The following RSKR variants were observed in gnomAD, a reference collection of about 807,000 sequenced individuals.
RSKR encodes the protein ribosomal protein S6 kinase-related protein.
In RSKR, 44 loss-of-function variants were observed where a neutral mutation model predicts 56.8. The ratio of observed to expected loss-of-function variants is 0.77; its 90% confidence interval spans 0.61 to 1.00. RSKR has a LOEUF of 1.00. RSKR is among the 50% of genes least tolerant of loss of function. RSKR has a pLI of 0.00. For missense variants in RSKR, 510 were observed against 506.9 expected (o/e 1.01, Z -0.06); for synonymous variants, 181 against 188.0 (o/e 0.96, Z 0.30).
chr17:28,612,430 T>C (rs780278607), intron 5 of RSKR, 64 bp from the exon 6 acceptor site: 51 of 1,543,842 alleles, frequency 3.3e-5, no homozygotes, highest in Non-Finnish European at 4.0e-5. Context: ...GGAGCTGCAA[T>C]GCCTGGGCTC....
At chr17:28,610,822 A>C (rs2070801973) in intron 11 of RSKR, 123 bp from the exon 12 acceptor site, 1 of 970,418 alleles carries the variant, frequency 1.0e-6, no homozygotes, top group Non-Finnish European at 1.5e-6. Flanking sequence ...CCTGAAGAGT[A>C]GATGATTTGT....
At position 28,610,678 on chromosome 17, in the gene RSKR, G is replaced by C; in HGVS notation, c.1033C>G (p.His345Asp). The C allele has an allele frequency of 1.3e-6, 2 of 1,536,180 alleles. No individual in the cohort carries two copies. Among genetic ancestry groups the C allele is most frequent in the Non-Finnish European group, 1.7e-6 (2 of 1,146,926 alleles). Residue 345 changes from histidine (H) to aspartate (D), a missense_variant, in exon 12 of 12, where the codon CAT becomes GAT. His to Asp is a moderately conservative substitution (Grantham distance 81). Transcript: ENST00000301037. ...AAGTGATGCAGATAACGTAGACGATGGAGGGGGTTCTGGCATAAGAGCTGA... is the reference window on the plus strand; with the variant it reads ...AAGTGATGCAGATAACGTAGACGATCGAGGGGGTTCTGGCATAAGAGCTGA... ...LHELLCQNPL[H>D]RLRYLHHFQV...
chr17:28,610,522 C>T lies in RSKR; in HGVS notation c.1189G>A (p.Asp397Asn). Reference sequence around the variant, plus strand: ...AGCAAGAAGGACTCCAGATCACAGTCAAAGTCGTCAAAGGGCATGGTCTCC... The same window carrying T: ...AGCAAGAAGGACTCCAGATCACAGTTAAAGTCGTCAAAGGGCATGGTCTCC... ...SAETMPFDDF[D>N]CDLESFLLYP... is the part of the protein sequence containing the mutation. Residue 397 changes from aspartate to asparagine, a missense_variant, in exon 12 of 12, where the codon GAC (aspartate) becomes AAC (asparagine). Transcript: ENST00000301037. 6.5e-7 allele frequency: 1 copy of T among 1,535,988 alleles called. No individual in the cohort carries two copies. Among genetic ancestry groups the T allele is most frequent in the Non-Finnish European group, 8.7e-7 (1 of 1,146,878 alleles).
chr17:28,610,921 A>T, intron 11 of RSKR: 1 of 650,720 alleles, frequency 1.5e-6, no homozygotes, highest in Non-Finnish European at 2.6e-6. Context: ...ACAGTGTTCC[A>T]CTCTCTCAGA....
rs2070776257 is a variant in RSKR at position 28,608,831 on chromosome 17, GATTAGATGTAACTAAA to G, written c.*1631_*1646del. 2 of 152,074 alleles carry G rather than the reference GATTAGATGTAACTAAA, an allele frequency of 1.3e-5. No individual in the cohort carries two copies. Among genetic ancestry groups the G allele is most frequent in the Admixed American group, 1.3e-4 (2 of 15,254 alleles). 9.4% of individuals were successfully genotyped at this position (152,074 alleles called of 1,614,324 possible). Reference sequence around the variant, plus strand: ...CTCCAGACTGTCTTTTGTCTAGAGAGATTAGATGTAACTAAATAATATGGTCTAGATTAAAACTTAC... The same window carrying G: ...CTCCAGACTGTCTTTTGTCTAGAGAGTAATATGGTCTAGATTAAAACTTAC... On this transcript the variant is annotated 3_prime_UTR_variant, in exon 12 of 12. Coordinates refer to ENST00000301037, the MANE Select transcript of RSKR (RefSeq NM_001174103.2).
In RSKR at chr17:28,613,581, G is replaced by A. The variant is rs1483048384; in HGVS notation, c.183C>T (p.His61=). 6 of 1,614,120 alleles carry A rather than the reference G, an allele frequency of 3.7e-6. No individual in the cohort carries two copies. The South Asian group carries it at 5.5e-5, about 15-fold the overall frequency. Residue 61 remains histidine, a synonymous_variant, in exon 2 of 12, where the codon CAC becomes CAT. Coordinates refer to ENST00000301037, the MANE Select transcript of RSKR (RefSeq NM_001174103.2). ...TTAGGGATTCCTGGTGCAGATAGTGGTGCCCCCGTAGTTCCCAGAGTTCTT... is the reference window on the plus strand; with the variant it reads ...TTAGGGATTCCTGGTGCAGATAGTGATGCCCCCGTAGTTCCCAGAGTTCTT... ...DLEELWELRG[H]HYLHQESLKP...
rs964155217 is a variant in RSKR at position 28,608,142 on chromosome 17, T to C, written c.*2336A>G. ...CTAGCATACAAAATACATAAACACTTGCTGAAGGTAGACCACAAATTGGGC... is the reference window on the plus strand; with the variant it reads ...CTAGCATACAAAATACATAAACACTCGCTGAAGGTAGACCACAAATTGGGC... On this transcript the variant is annotated 3_prime_UTR_variant, in exon 12 of 12. Transcript: ENST00000301037. 1 of 152,156 alleles carries C rather than the reference T, an allele frequency of 6.6e-6. No individual in the cohort carries two copies. The highest frequency in any genetic ancestry group is 6.6e-5 in the Admixed American group (1 of 15,264). The allele number at this position is 152,156 out of a possible 1,614,324, so 9.4% of individuals were successfully genotyped here.
In RSKR at chr17:28,614,184, C is replaced by G. The variant is rs1467265232; in HGVS notation, c.-23G>C. 1.2e-6 allele frequency: 2 copies of G among 1,612,276 alleles called. No homozygotes were observed. The highest frequency in any genetic ancestry group is 1.7e-6 in the Non-Finnish European group (2 of 1,179,902). ...CATTCCCAGCCTCTGCCTCCTCTCT[C>G]TGCTAAATCTGCTGTCCCAGTTATA... On this transcript the variant is annotated 5_prime_UTR_variant, in exon 1 of 12. Transcript: ENST00000301037.
Position 28,613,704 on chromosome 17 carries a change from G to A in RSKR, c.76-16C>T. 6.2e-7 allele frequency: 1 copy of A among 1,613,264 alleles called. No individual in the cohort carries two copies. The highest frequency in any genetic ancestry group is 1.3e-5 in the African/African-American group (1 of 74,976). On this transcript the variant is annotated splice_polypyrimidine_tract_variant and intron_variant, in intron 1 of 11. Transcript: ENST00000301037. ...TGCCACCCTGCTGAGAACCAAGGGAGCCACTCTAAACTTTCTGCTCCTGAG... is the reference window on the plus strand; with the variant it reads ...TGCCACCCTGCTGAGAACCAAGGGAACCACTCTAAACTTTCTGCTCCTGAG...
rs998679208 is a variant in RSKR, at chr17:28,609,314, T to G, written c.*1164A>C. ...CCTTGGCCTCCCAAATAACCTTAAA[T>G]CTTAAGGTTGATGCATGCCTCTTAA... On this transcript the variant is annotated 3_prime_UTR_variant, in exon 12 of 12. Transcript: ENST00000301037. The G allele has an allele frequency of 6.6e-6, 1 of 152,130 alleles. No homozygotes were observed. Among genetic ancestry groups the G allele is most frequent in the Non-Finnish European group, 1.5e-5 (1 of 68,030 alleles). 9.4% of individuals were successfully genotyped at this position (152,130 alleles called of 1,614,324 possible).
At chr17:28,613,847 A>G (rs2070865320) in intron 1 of RSKR, 159 bp from the exon 2 acceptor site, 1 of 1,153,236 alleles carries the variant, frequency 8.7e-7, no homozygotes. Context: ...GCTAAGCCCC[A>G]GATTTCCTGG....
rs1461122071 is a variant in RSKR at position 28,612,601 on chromosome 17, A to G, written c.547+17T>C. Reference sequence around the variant, plus strand: ...TACAAAGACCCTGGGGGATGAGGAGAGAGTCCAGTCACTCACTAATGAAAA... The same window carrying G: ...TACAAAGACCCTGGGGGATGAGGAGGGAGTCCAGTCACTCACTAATGAAAA... On this transcript the variant is annotated intron_variant, in intron 5 of 11. Coordinates refer to ENST00000301037, the MANE Select transcript of RSKR (RefSeq NM_001174103.2). 1 of 1,612,426 alleles carries G rather than the reference A, an allele frequency of 6.2e-7. No homozygotes were observed. The highest frequency in any genetic ancestry group is 8.5e-7 in the Non-Finnish European group (1 of 1,178,480).
Position 28,608,156 on chromosome 17 carries a change from C to T in RSKR, c.*2322G>A, listed in dbSNP as rs1208291382. ...ACATAAACACTTGCTGAAGGTAGACCACAAATTGGGCTCTAAATGGTCTAG... is the reference window on the plus strand; with the variant it reads ...ACATAAACACTTGCTGAAGGTAGACTACAAATTGGGCTCTAAATGGTCTAG... On this transcript the variant is annotated 3_prime_UTR_variant, in exon 12 of 12. Transcript: ENST00000301037. The T allele has an allele frequency of 6.6e-6, 1 of 152,000 alleles. No individual in the cohort carries two copies. The highest frequency in any genetic ancestry group is 2.4e-5 in the African/African-American group (1 of 41,360). The allele number at this position is 152,000 out of a possible 1,614,324, so 9.4% of individuals were successfully genotyped here.
rs2070804806 is a variant in RSKR, at chr17:28,611,036, G to A, written c.1011+107C>T. The A allele has an allele frequency of 9.1e-6, 9 of 987,476 alleles. No individual in the cohort carries two copies. The South Asian group carries it at 1.3e-4, about 15-fold the overall frequency. The allele number at this position is 987,476 out of a possible 1,614,324, so 61.2% of individuals were successfully genotyped here. On this transcript the variant is annotated intron_variant, in intron 11 of 11. Transcript: ENST00000301037. ...CAAGTAGTTAGGTAGTTAAGTTGGAGCCCCCTCAAAAAAACTGATGAGAGG... is the reference window on the plus strand; with the variant it reads ...CAAGTAGTTAGGTAGTTAAGTTGGAACCCCCTCAAAAAAACTGATGAGAGG...
chr17:28,610,629 C>A lies in RSKR; in HGVS notation c.1082G>T (p.Gly361Val). Reference protein sequence around the residue: ...HHFQVHPFFRGVAFDPELLQK... With the variant: ...HHFQVHPFFRVVAFDPELLQK... ...TAGGAGCTCTGGGTCGAAGGCCACACCCCGAAAGAAAGGGTGGACCTGGAA... is the reference window on the plus strand; with the variant it reads ...TAGGAGCTCTGGGTCGAAGGCCACAACCCGAAAGAAAGGGTGGACCTGGAA... Residue 361 changes from glycine to valine, a missense_variant, in exon 12 of 12, where the codon GGT becomes GTT. Physicochemically the swap from Gly to Val is moderately radical, Grantham distance 109 (BLOSUM62 -3). Coordinates refer to ENST00000301037, the MANE Select transcript of RSKR (RefSeq NM_001174103.2). 6.5e-7 allele frequency: 1 copy of A among 1,536,012 alleles called. No homozygotes were observed. Among genetic ancestry groups the A allele is most frequent in the Admixed American group, 2.0e-5 (1 of 50,970 alleles).
At position 28,611,411 on chromosome 17, in the gene RSKR, G is replaced by C. The variant is rs1433159426; in HGVS notation, c.882C>G (p.Phe294Leu). 1 of 1,597,846 alleles carries C rather than the reference G, an allele frequency of 6.3e-7. No homozygotes were observed. Among genetic ancestry groups the C allele is most frequent in the Middle Eastern group, 1.7e-4 (1 of 6,054 alleles). Residue 294 changes from phenylalanine (F) to leucine (L), a missense_variant, in exon 10 of 12, where the codon TTC becomes TTG. Coordinates refer to ENST00000301037, the MANE Select transcript of RSKR (RefSeq NM_001174103.2). ...ADWWSLGVLL[F>L]SLATGKFPVA... ...CTCTCACCTTTCCAGTCGCCAGAGA[G>C]AAAAGCAAGACACCCAGGGACCACC...
At chr17:28,613,812 A>C in intron 1 of RSKR, 124 bp from the exon 2 acceptor site, 1 of 1,367,094 alleles carries the variant, frequency 7.3e-7, no homozygotes, top group Non-Finnish European at 9.8e-7. Flanking sequence ...AGCATGAGGC[A>C]AAATTCCCAT....
intron 5 of RSKR, 77 bp from the exon 6 acceptor site, chr17:28,612,443 G>A: frequency 6.8e-7 from 1 of 1,476,618 alleles, no homozygotes; most frequent in East Asian, 2.3e-5. Flanking sequence ...CTGGGCTCAA[G>A]GCATTGTAGG....
chr17:28,612,261 C>A lies in RSKR; in HGVS notation c.652+1G>T. On this transcript the variant is annotated splice_donor_variant, in intron 6 of 11. Transcript: ENST00000301037. LOFTEE classifies it high-confidence loss of function. Reference sequence around the variant, plus strand: ...ATTTCCTTTACCACTGTTTCACTTACACAGTACCAGCACCAACTCGGCAGC... The same window carrying A: ...ATTTCCTTTACCACTGTTTCACTTAAACAGTACCAGCACCAACTCGGCAGC... The A allele has an allele frequency of 1.2e-6, 2 of 1,614,060 alleles. No homozygotes were observed. Among genetic ancestry groups the A allele is most frequent in the Non-Finnish European group, 8.5e-7 (1 of 1,179,932 alleles).
Sources: gnomAD v4.1 joint callset for allele counts on GRCh38, gnomAD v4.1.1 for gene constraint, MANE v1.5 for transcripts, NCBI Gene and HGNC (gene_info 2026-07-23, HGNC 2026-07-21) for gene names.